Variants in DYNC2LI1 observed in about 807,000 individuals in gnomAD.
DYNC2LI1 encodes the protein cytoplasmic dynein 2 light intermediate chain 1.
Under a neutral mutation model 51.9 loss-of-function variants are expected in DYNC2LI1, and 45 were observed. The observed-to-expected ratio is 0.87, with a 90% confidence interval of 0.68 to 1.11. DYNC2LI1 has a LOEUF of 1.11. Among genes scored for constraint, DYNC2LI1 ranks in the 50% most tolerant of loss-of-function variants. DYNC2LI1 has a pLI of 0.00. For missense variants in DYNC2LI1, 490 were observed against 417.4 expected (o/e 1.17, Z -1.51); for synonymous variants, 130 against 137.8 (o/e 0.94, Z 0.40).
At chr2:43,820,111 A>G in the DYNC2LI1 span, 2 of 1,612,472 alleles carry the variant, frequency 1.2e-6, no homozygotes, top group African/African-American at 1.3e-5. Context: ...CTAGAAAAGC[A>G]TAAGCTCTTT....
Position 43,789,764 on chromosome 2 carries a change from T to G in DYNC2LI1, c.320+43T>G, listed in dbSNP as rs903394706. On this transcript the variant is annotated intron_variant, in intron 5 of 12. Coordinates refer to ENST00000260605, the MANE Select transcript of DYNC2LI1 (RefSeq NM_016008.4). ...AGGAAAACCTGTAAGTACACAGGAG[T>G]GTCCCTAGGAGGAATATGAGTTGGC... 4 of 1,555,232 alleles carry G rather than the reference T, an allele frequency of 2.6e-6. No individual in the cohort carries two copies. The African/African-American group carries it at 4.1e-5, about 16-fold the overall frequency.
chr2:43,807,072 T>A (rs531177451), intron 12 of DYNC2LI1, among the ~76,000 whole-genome samples: 2 of 152,192 alleles, frequency 1.3e-5, no homozygotes, highest in African/African-American at 2.4e-5. Flanking sequence ...TGTTATTTCA[T>A]TGATAATCCG....
chr2:43,799,541 A>G (rs1666005828), intron 8 of DYNC2LI1, among the ~76,000 whole-genome samples: 1 of 152,264 alleles, frequency 6.6e-6, no homozygotes, highest in Admixed American at 6.5e-5. Flanking sequence ...AATAGAGTTT[A>G]CTCAAAATAT....
Position 43,800,719 on chromosome 2 carries a change from T to A in DYNC2LI1, c.655-122T>A, listed in dbSNP as rs977002775. ...GTTTTGTCTACTCAAACAGAAGTAT[T>A]TGCTGGGCAACAAAACAGTGATTCT... is the stretch of plus-strand genomic sequence containing the variant. On this transcript the variant is annotated intron_variant, in intron 8 of 12. Transcript: ENST00000260605. 9.7e-6 allele frequency: 5 copies of A among 514,072 alleles called. No homozygotes were observed. In the African/African-American group the frequency reaches 9.9e-5, roughly 10 times the overall value. The allele number at this position is 514,072 out of a possible 1,614,324, so 31.8% of individuals were successfully genotyped here.
intron 5 of DYNC2LI1, chr2:43,794,206 C>T (rs1368679866): frequency 1.7e-5 from 6 of 357,070 alleles, no homozygotes; most frequent in Non-Finnish European, 3.0e-5. Flanking sequence ...TTGAACTAAA[C>T]TACTTTTAAT....
the DYNC2LI1 span, chr2:43,824,859 C>A: frequency 1.2e-6 from 2 of 1,612,714 alleles, no homozygotes; most frequent in South Asian, 1.1e-5. Context: ...AAAAAACATT[C>A]ATGATGGGGA....
At chr2:43,800,989 G>T in intron 9 of DYNC2LI1, 72 bp downstream of exon 9, 2 of 970,634 alleles carry the variant, frequency 2.1e-6, no homozygotes, top group Non-Finnish European at 3.1e-6. Flanking sequence ...TCTGATTATT[G>T]TTCTACTCAG....
chr2:43,800,118 CT>C (rs1167536726), intron 8 of DYNC2LI1, among the ~76,000 whole-genome samples: 3 of 152,178 alleles, frequency 2.0e-5, no homozygotes, highest in Non-Finnish European at 4.4e-5. Context: ...CTGTGAATGA[CT>C]TTTGGTATCT....
chr2:43,784,113 T>C (rs1673411781), intron 3 of DYNC2LI1, among the ~76,000 whole-genome samples: 1 of 151,772 alleles, frequency 6.6e-6, no homozygotes, highest in African/African-American at 2.4e-5. Flanking sequence ...TTTGAATACA[T>C]ATATCTTATA....
chr2:43,801,634 C>G lies in DYNC2LI1; in HGVS notation c.732-5C>G. On this transcript the variant is annotated splice_polypyrimidine_tract_variant and splice_region_variant and intron_variant, in intron 9 of 12. Transcript: ENST00000260605. ...TAATTTAGAATCTTTCTCTTCTCCA[C>G]GTAGCAAATCAATATGTGTGGATCA... 1 of 1,603,794 alleles carries G rather than the reference C, an allele frequency of 6.2e-7. No homozygotes were observed. Among genetic ancestry groups the G allele is most frequent in the Middle Eastern group, 1.7e-4 (1 of 6,010 alleles).
intron 5 of DYNC2LI1, among the ~76,000 whole-genome samples, chr2:43,792,457 T>C (rs1043250129): frequency 6.6e-6 from 1 of 152,222 alleles, no homozygotes; most frequent in Non-Finnish European, 1.5e-5. Flanking sequence ...TGGTTCTACA[T>C]ACTTATTATA....
At chr2:43,790,581 C>A (rs1055759647) in intron 5 of DYNC2LI1, among the ~76,000 whole-genome samples, 2 of 148,022 alleles carry the variant, frequency 1.4e-5, no homozygotes. Context: ...GATTTACTTT[C>A]TTTCACTTAT....
At chr2:43,782,620 A>G (rs1205376332) in intron 2 of DYNC2LI1, among the ~76,000 whole-genome samples, 1 of 152,038 alleles carries the variant, frequency 6.6e-6, no homozygotes. Context: ...TCCCTGGCTA[A>G]GCTGTGAAGT....
At chr2:43,823,232 G>A in the DYNC2LI1 span, among the ~76,000 whole-genome samples, 4 of 152,128 alleles carry the variant, frequency 2.6e-5, no homozygotes, top group African/African-American at 7.2e-5. Flanking sequence ...GCATGAATAA[G>A]TGATTTGAAG....
intron 5 of DYNC2LI1, 170 bp from the exon 6 acceptor site, chr2:43,794,287 A>C: frequency 1.6e-6 from 1 of 617,466 alleles, no homozygotes; most frequent in South Asian, 2.4e-5. Context: ...TATTGGAATA[A>C]ATAAGGCTAT....
chr2:43,789,747 C>A (rs879025579), intron 5 of DYNC2LI1, 26 bp downstream of exon 5: 1 of 1,596,996 alleles, frequency 6.3e-7, no homozygotes, highest in Non-Finnish European at 8.6e-7. Context: ...CCAGGAAAAC[C>A]TGTAAGTACA....
chr2:43,824,294 A>C, the DYNC2LI1 span: 93 of 1,614,048 alleles, frequency 5.8e-5, no homozygotes, highest in Non-Finnish European at 7.7e-5. Context: ...TAACGTTTTC[A>C]GGTGTTTCAT....
At chr2:43,777,706 C>G (rs1673087379) in intron 2 of DYNC2LI1, among the ~76,000 whole-genome samples, 1 of 152,248 alleles carries the variant, frequency 6.6e-6, no homozygotes, top group Non-Finnish European at 1.5e-5. Flanking sequence ...TACGTGTTCA[C>G]TGGGCAACGT....
chr2:43,826,447 C>G, the DYNC2LI1 span: 1 of 1,614,014 alleles, frequency 6.2e-7, no homozygotes, highest in African/African-American at 1.3e-5. Flanking sequence ...CGAGCCAGTT[C>G]CACCAGGAGG....
Sources: gnomAD v4.1 joint callset for allele counts (sites outside exome capture counted in the v4.1 genomes callset) on GRCh38, gnomAD v4.1.1 for gene constraint, MANE v1.5 for transcripts, NCBI Gene and HGNC (gene_info 2026-07-23, HGNC 2026-07-21) for gene names.